The following FANCC variants were observed in gnomAD, a reference collection of about 807,000 sequenced individuals.
FANCC encodes the protein FA complementation group C.
In FANCC, 55 loss-of-function variants were observed where a neutral mutation model predicts 71.3. The ratio of observed to expected loss-of-function variants is 0.77; its 90% CI spans 0.62 to 0.97. The LOEUF is 0.97. FANCC is among the 50% of genes least tolerant of loss of function. The pLI, the probability that FANCC is intolerant of heterozygous loss-of-function variation, is 0.00. For synonymous variants in FANCC, 275 were observed against 244.9 expected (o/e 1.12, Z -1.15); for missense variants, 678 against 670.9 (o/e 1.01, Z -0.12).
rs1381000851 is a variant in FANCC at position 95,304,056 on chromosome 9, T to TTTAGAATTA, written c.-79+13469_-79+13470insTAATTCTAA. ...AGGTAGAAGGAAATTAAACAATGCC[T>TTTAGAATTA]CACAATTCTAAAGGAAAATAATTTC... is the stretch of plus-strand genomic sequence containing the variant. On this transcript the variant is annotated intron_variant, in intron 1 of 14. Coordinates refer to ENST00000289081, the MANE Select transcript of FANCC (RefSeq NM_000136.3). Among the ~76,000 whole-genome samples, 6 of 152,182 alleles carry TTTAGAATTA rather than the reference T, an allele frequency of 3.9e-5. No individual in the cohort carries two copies. The East Asian group carries it at 1.2e-3, about 29-fold the overall frequency.
At chr9:95,239,578 T>C (rs1416068988) in intron 4 of FANCC, among the ~76,000 whole-genome samples, 1 of 152,180 alleles carries the variant, frequency 6.6e-6, no homozygotes, top group Admixed American at 6.5e-5. Context: ...ACTAAATATG[T>C]CATTTTGTTT....
intron 14 of FANCC, among the ~76,000 whole-genome samples, chr9:95,105,761 GCA>G (rs1474304450): frequency 6.6e-6 from 1 of 152,188 alleles, no homozygotes; most frequent in East Asian, 1.9e-4. Flanking sequence ...TATTTCAACA[GCA>G]CAGTGTCTTC....
chr9:95,191,365 C>T lies in FANCC; in HGVS notation c.346-19218G>A, dbSNP rs373789799. On this transcript the variant is annotated intron_variant, in intron 4 of 14. Transcript: ENST00000289081. ...TTTTTTTTTTTTTGAGACAGGGTCTCACTGTTTCCCAGGATGGAGTGCAGT... is the reference window on the plus strand; with the variant it reads ...TTTTTTTTTTTTTGAGACAGGGTCTTACTGTTTCCCAGGATGGAGTGCAGT... 5.0e-4 allele frequency among the ~76,000 whole-genome samples: 64 copies of T among 126,796 alleles called. 1 individual carries two copies. In the South Asian group the frequency reaches 0.018, roughly 35 times the overall value. The allele number at this position is 126,796 out of a possible 152,430, so 83.2% of individuals were successfully genotyped here.
chr9:95,257,463 A>C (rs866808694), intron 1 of FANCC, among the ~76,000 whole-genome samples: 2 of 152,230 alleles, frequency 1.3e-5, no homozygotes, highest in Non-Finnish European at 2.9e-5. Context: ...GGCAGAAATA[A>C]AGAAGTTATT....
At chr9:95,177,598 A>G (rs1470353541) in intron 4 of FANCC, among the ~76,000 whole-genome samples, 1 of 152,274 alleles carries the variant, frequency 6.6e-6, no homozygotes, top group African/African-American at 2.4e-5. Context: ...AACACATTGT[A>G]CAGCGGTACA....
intron 1 of FANCC, among the ~76,000 whole-genome samples, chr9:95,315,191 GC>G (rs1194759911): frequency 6.6e-6 from 1 of 152,144 alleles, no homozygotes; most frequent in Non-Finnish European, 1.5e-5. Flanking sequence ...TTGCCTGCTA[GC>G]CCCCAGTCCA....
At chr9:95,182,628 G>A (rs1259393200) in intron 4 of FANCC, among the ~76,000 whole-genome samples, 2 of 152,116 alleles carry the variant, frequency 1.3e-5, no homozygotes, top group African/African-American at 4.8e-5. Flanking sequence ...GGGGTGAGAA[G>A]CCCTGCAGCC....
rs966825805 is a variant in FANCC at position 95,101,549 on chromosome 9, A to G, written c.*158T>C. 42 of 876,772 alleles carry G rather than the reference A, an allele frequency of 4.8e-5. No individual in the cohort carries two copies. The highest frequency in any genetic ancestry group is 4.1e-4 in the Admixed American group (19 of 46,374). 54.3% of individuals were successfully genotyped at this position (876,772 alleles called of 1,614,324 possible). On this transcript the variant is annotated 3_prime_UTR_variant, in exon 15 of 15. Coordinates refer to ENST00000289081, the MANE Select transcript of FANCC (RefSeq NM_000136.3). ...GGGACCTGGCTCTGCATTTTGTAAA[A>G]TAGATACTAGCAGATTGTCCCAAGA...
At chr9:95,283,527 C>T (rs753618641) in intron 1 of FANCC, among the ~76,000 whole-genome samples, 1 of 152,190 alleles carries the variant, frequency 6.6e-6, no homozygotes, top group Non-Finnish European at 1.5e-5. Flanking sequence ...TGATTCTGAA[C>T]CCACTCTTCA....
At chr9:95,157,029 T>G (rs1217838565) in intron 6 of FANCC, among the ~76,000 whole-genome samples, 1 of 152,214 alleles carries the variant, frequency 6.6e-6, no homozygotes, top group Non-Finnish European at 1.5e-5. Context: ...TCTAAGTTTC[T>G]AATTCCTCTC....
intron 7 of FANCC, among the ~76,000 whole-genome samples, chr9:95,142,169 T>A (rs1421732169): frequency 6.6e-6 from 1 of 151,928 alleles, no homozygotes; most frequent in African/African-American, 2.4e-5. Context: ...ATTTTTGTAT[T>A]TTTAGTAGAG....
Position 95,100,823 on chromosome 9 carries a change from G to A in FANCC, c.*884C>T, listed in dbSNP as rs1038927110. On this transcript the variant is annotated 3_prime_UTR_variant, in exon 15 of 15. Coordinates refer to ENST00000289081, the MANE Select transcript of FANCC (RefSeq NM_000136.3). ...TTTTTGTATTTTTAGTAGAGATAGG[G>A]TATTGCCATGTTAGCCAGGCAGTCT... 3.5e-5 allele frequency: 8 copies of A among 227,662 alleles called. No individual in the cohort carries two copies. Among genetic ancestry groups the A allele is most frequent in the Non-Finnish European group, 6.1e-5 (7 of 114,572 alleles). 14.1% of individuals were successfully genotyped at this position (227,662 alleles called of 1,614,324 possible).
At chr9:95,207,026 T>G (rs1009188969) in intron 4 of FANCC, among the ~76,000 whole-genome samples, 3 of 152,010 alleles carry the variant, frequency 2.0e-5, no homozygotes, top group African/African-American at 7.2e-5. Flanking sequence ...AGCCCCACAC[T>G]GCATGTCTTC....
intron 12 of FANCC, chr9:95,114,309 G>C (rs528210924): frequency 2.6e-6 from 1 of 380,526 alleles, no homozygotes; most frequent in African/African-American, 2.1e-5. Flanking sequence ...CAGCAGGTGG[G>C]TGCTGCTTTT....
intron 4 of FANCC, among the ~76,000 whole-genome samples, chr9:95,187,911 C>A (rs1223878527): frequency 6.6e-6 from 1 of 151,692 alleles, no homozygotes; most frequent in African/African-American, 2.4e-5. Context: ...GGAAACGTCT[C>A]AAGACTTGGA....
At chr9:95,104,952 C>T (rs950522810) in intron 14 of FANCC, among the ~76,000 whole-genome samples, 2 of 152,308 alleles carry the variant, frequency 1.3e-5, no homozygotes, top group South Asian at 2.1e-4. Flanking sequence ...ATTTGTCTCT[C>T]GCGTCTGGCT....
chr9:95,132,832 C>T (rs1275322694), intron 8 of FANCC, among the ~76,000 whole-genome samples: 1 of 152,160 alleles, frequency 6.6e-6, no homozygotes, highest in African/African-American at 2.4e-5. Flanking sequence ...ACAACCTGTA[C>T]CACACTTTTA....
intron 4 of FANCC, among the ~76,000 whole-genome samples, chr9:95,188,475 A>G (rs1447281905): frequency 2.0e-5 from 3 of 152,206 alleles, no homozygotes; most frequent in South Asian, 2.1e-4. Context: ...AGGAACCACA[A>G]GCCTACAACT....
chr9:95,310,888 A>G (rs961242166), intron 1 of FANCC, among the ~76,000 whole-genome samples: 7 of 152,200 alleles, frequency 4.6e-5, no homozygotes, highest in Non-Finnish European at 1.0e-4. Context: ...AGGCAATAAT[A>G]TGAACTGCAG....
Sources: allele counts gnomAD v4.1 joint callset (sites outside exome capture counted in the v4.1 genomes callset), GRCh38; gene constraint gnomAD v4.1.1; transcripts MANE v1.5; gene names NCBI Gene and HGNC (gene_info 2026-07-23, HGNC 2026-07-21).